RCL1: variants seen among roughly 807,000 people sequenced by gnomAD.
The protein encoded by RCL1 is RNA 3'-terminal phosphate cyclase-like protein.
RCL1 carries 24 observed loss-of-function variants against 42.4 expected under a neutral mutation model. That is an observed-to-expected ratio of 0.57 (90% confidence interval 0.41 to 0.80). The LOEUF is 0.80. Ranked by LOEUF, RCL1 falls within the 30% of genes least tolerant of loss-of-function variation. The pLI is 0.00. For synonymous variants in RCL1, 228 were observed against 177.3 expected (o/e 1.29, Z -2.27); for missense variants, 578 against 467.9 (o/e 1.24, Z -2.17).
At chr9:4,818,678 C>G (rs1816480081) in intron 1 of RCL1, among the ~76,000 whole-genome samples, 1 of 151,972 alleles carries the variant, frequency 6.6e-6, no homozygotes, top group African/African-American at 2.4e-5. Flanking sequence ...GTCAGGAGAT[C>G]AAGACCATCC....
At position 4,836,137 on chromosome 9, in the gene RCL1, A is replaced by G. The variant is rs553934134; in HGVS notation, c.584+1872A>G. Among the ~76,000 whole-genome samples the G allele has an allele frequency of 5.8e-4, 88 of 152,344 alleles. 1 individual carries two copies. Among genetic ancestry groups the G allele is most frequent in the African/African-American group, 8.7e-4 (36 of 41,588 alleles). ...GATAAGAAAAAGGCTGTGTTCCAGC[A>G]GTAAGGTCCTTGCTGAAGGTGTAAT... On this transcript the variant is annotated intron_variant, in intron 5 of 8. Coordinates refer to ENST00000381750, the MANE Select transcript of RCL1 (RefSeq NM_005772.5).
chr9:4,832,805 C>CAAAAAA (rs34915834), intron 3 of RCL1, among the ~76,000 whole-genome samples: 2 of 39,302 alleles, frequency 5.1e-5, no homozygotes, highest in African/African-American at 9.9e-5. Flanking sequence ...AGATTCCACT[C>CAAAAAA]AAAAAAAAAA....
chr9:4,807,246 C>CT (rs1350279878), intron 1 of RCL1, among the ~76,000 whole-genome samples: 1 of 152,138 alleles, frequency 6.6e-6, no homozygotes, highest in Non-Finnish European at 1.5e-5. Flanking sequence ...TTCTATCTTG[C>CT]TTTTCAGTTT....
At chr9:4,800,149 G>T (rs1014659245) in intron 1 of RCL1, among the ~76,000 whole-genome samples, 1 of 151,892 alleles carries the variant, frequency 6.6e-6, no homozygotes, top group Non-Finnish European at 1.5e-5. Context: ...AAACATGTAG[G>T]TTGTTTCCAG....
In RCL1 at chr9:4,793,039, C is replaced by G. The variant is rs1001393270; in HGVS notation, c.-53C>G. ...ACCATCGGAGTCACGAGTCCCGCGT[C>G]TGTCCGAAGTCGCCGCTCTCGGGCT... On this transcript the variant is annotated 5_prime_UTR_variant, in exon 1 of 9. Transcript: ENST00000381750. The G allele has an allele frequency of 6.4e-7, 1 of 1,564,084 alleles. No individual in the cohort carries two copies. Among genetic ancestry groups the G allele is most frequent in the African/African-American group, 1.4e-5 (1 of 72,606 alleles).
intron 1 of RCL1, among the ~76,000 whole-genome samples, chr9:4,808,406 C>G (rs750220418): frequency 6.6e-6 from 1 of 152,076 alleles, no homozygotes; most frequent in Non-Finnish European, 1.5e-5. Context: ...CTCCTGGGCT[C>G]AAGTGATCCT....
intron 1 of RCL1, among the ~76,000 whole-genome samples, chr9:4,816,957 C>G (rs1228574440): frequency 6.6e-6 from 1 of 152,226 alleles, no homozygotes; most frequent in Non-Finnish European, 1.5e-5. Context: ...GCTGGGACTA[C>G]AGGCACTTGC....
At chr9:4,803,780 T>C (rs529748972) in intron 1 of RCL1, 2 of 171,364 alleles carry the variant, frequency 1.2e-5, no homozygotes, top group African/African-American at 4.8e-5. Flanking sequence ...ATATCCACTG[T>C]TTGTGATTTA....
intron 1 of RCL1, among the ~76,000 whole-genome samples, chr9:4,800,026 C>G (rs1425042385): frequency 1.3e-5 from 2 of 152,112 alleles, no homozygotes; most frequent in Non-Finnish European, 2.9e-5. Flanking sequence ...TTTCAGTCAG[C>G]ATGATTCTCT....
intron 1 of RCL1, among the ~76,000 whole-genome samples, chr9:4,794,314 G>C (rs1370527094): frequency 1.3e-5 from 2 of 152,206 alleles, no homozygotes; most frequent in Non-Finnish European, 2.9e-5. Context: ...AGATAGGTTA[G>C]GAAGGAAAGA....
intron 5 of RCL1, among the ~76,000 whole-genome samples, 173 bp downstream of exon 5, chr9:4,834,438 C>G (rs78943484): frequency 0.054 from 7,970 of 148,828 alleles, 281 homozygotes; most frequent in African/African-American, 0.1. Context: ...GTTCTGTTAT[C>G]TGCCTCACCA....
chr9:4,834,188 C>T lies in RCL1; in HGVS notation c.507C>T (p.Phe169=), dbSNP rs113668857. ...MPPGGGGEVV[F]SCPVRKVLKP... The stretch of plus-strand genomic sequence containing the variant: ...CCGGAGGAGGAGGCGAAGTGGTTTT[C>T]TCATGTCCTGTGAGGAAGGTCTTGA... Residue 169 remains phenylalanine (F), a synonymous_variant, in exon 5 of 9, where the codon TTC becomes TTT. Transcript: ENST00000381750. The T allele has an allele frequency of 1.7e-3, 2,766 of 1,613,756 alleles. 43 individuals carry two copies. In the African/African-American group the frequency reaches 0.031, roughly 18 times the overall value.
At position 4,819,667 on chromosome 9, in the gene RCL1, C is replaced by T. The variant is rs753327915; in HGVS notation, c.137-3881C>T. Among the ~76,000 whole-genome samples the T allele has an allele frequency of 4.1e-4, 62 of 152,202 alleles. No homozygotes were observed. The East Asian group carries it at 4.3e-3, about 10-fold the overall frequency. On this transcript the variant is annotated intron_variant, in intron 1 of 8. Coordinates refer to ENST00000381750, the MANE Select transcript of RCL1 (RefSeq NM_005772.5). ...ACTGAAAATACAAAAATTAGCTGGG[C>T]GTGGTGGCACGCGCCTGTAGTCCCA...
intron 1 of RCL1, among the ~76,000 whole-genome samples, chr9:4,814,162 A>T (rs1014544967): frequency 3.4e-5 from 5 of 147,092 alleles, no homozygotes; most frequent in Non-Finnish European, 7.6e-5. Context: ...AAATACAATA[A>T]AATAAAATTT....
chr9:4,811,470 A>G (rs1816173617), intron 1 of RCL1, among the ~76,000 whole-genome samples: 3 of 151,746 alleles, frequency 2.0e-5, no homozygotes, highest in Admixed American at 6.6e-5. Context: ...TCTATCCTCT[A>G]CTTGCTATGG....
intron 8 of RCL1, among the ~76,000 whole-genome samples, chr9:4,855,096 C>G (rs1817901348): frequency 6.6e-6 from 1 of 150,994 alleles, no homozygotes; most frequent in Non-Finnish European, 1.5e-5. Context: ...TCTCTGTGCT[C>G]CAGAATTCTC....
At chr9:4,799,492 C>A (rs1037412936) in intron 1 of RCL1, among the ~76,000 whole-genome samples, 4 of 152,154 alleles carry the variant, frequency 2.6e-5, no homozygotes, top group African/African-American at 9.7e-5. Flanking sequence ...CAGAACATTT[C>A]TGTCACTCCA....
At chr9:4,793,666 C>G (rs1474554529) in intron 1 of RCL1, among the ~76,000 whole-genome samples, 2 of 152,208 alleles carry the variant, frequency 1.3e-5, no homozygotes, top group Non-Finnish European at 2.9e-5. Context: ...TGCCCTGTCT[C>G]AAAGCAGTTC....
intron 8 of RCL1, among the ~76,000 whole-genome samples, chr9:4,855,919 T>C (rs1381464109): frequency 6.6e-6 from 1 of 152,130 alleles, no homozygotes; most frequent in African/African-American, 2.4e-5. Flanking sequence ...CTCCAAGAGA[T>C]CAGAAGCAAG....
Sources: gnomAD v4.1 joint callset for allele counts (sites outside exome capture counted in the v4.1 genomes callset) on GRCh38, gnomAD v4.1.1 for gene constraint, MANE v1.5 for transcripts, NCBI Gene and HGNC (gene_info 2026-07-23, HGNC 2026-07-21) for gene names.